The following SPAG16 variants were observed in gnomAD, a reference collection of about 807,000 sequenced individuals.
The protein encoded by SPAG16 is sperm-associated antigen 16 protein.
SPAG16 carries 86 observed loss-of-function variants against 80.4 expected under a neutral mutation model. The ratio of observed to expected loss-of-function variants is 1.07; its 90% CI spans 0.90 to 1.28. SPAG16 has a LOEUF of 1.28. SPAG16 is among the 50% of genes most tolerant of loss of function. The pLI is 0.00. For missense variants in SPAG16, 870 were observed against 765.3 expected, an observed-to-expected ratio of 1.14 and a Z score of -1.61; for synonymous variants, 294 against 265.9, an observed-to-expected ratio of 1.11 and a Z score of -1.03.
chr2:213,688,936 A>T (rs1002771313), intron 10 of SPAG16, among the ~76,000 whole-genome samples: 2 of 152,116 alleles, frequency 1.3e-5, no homozygotes, highest in African/African-American at 4.8e-5. Context: ...TTTTTTGAAC[A>T]TATGAAATTT....
intron 13 of SPAG16, among the ~76,000 whole-genome samples, chr2:214,067,095 T>C (rs1316719226): frequency 6.6e-6 from 1 of 152,106 alleles, no homozygotes; most frequent in Non-Finnish European, 1.5e-5. Context: ...TTCCAGGTGG[T>C]GCTGTTTGGT....
chr2:214,338,496 T>C (rs553572447), intron 15 of SPAG16, among the ~76,000 whole-genome samples: 127 of 152,066 alleles, frequency 8.4e-4, no homozygotes, highest in Middle Eastern at 6.3e-3. Flanking sequence ...AGAGCAAGAC[T>C]CCGTCTCAAA....
chr2:214,187,190 A>G (rs1174547582), intron 15 of SPAG16, among the ~76,000 whole-genome samples: 1 of 151,624 alleles, frequency 6.6e-6, no homozygotes, highest in Non-Finnish European at 1.5e-5. Context: ...GTGTAAGTAC[A>G]TACACCAATA....
At chr2:213,856,617 A>G (rs10932506) in intron 10 of SPAG16, among the ~76,000 whole-genome samples, 16 of 151,962 alleles carry the variant, frequency 1.1e-4, no homozygotes, top group African/African-American at 3.6e-4. Context: ...CCAAACCTCA[A>G]TTCTTGACTT....
intron 5 of SPAG16, among the ~76,000 whole-genome samples, chr2:213,329,906 A>T (rs1395547880): frequency 6.6e-6 from 1 of 152,188 alleles, no homozygotes; most frequent in Non-Finnish European, 1.5e-5. Context: ...TCCAGCCATG[A>T]CTAAAAGGGG....
chr2:213,297,140 G>T (rs2126073047), intron 2 of SPAG16, 122 bp from the exon 3 acceptor site: 2 of 1,472,486 alleles, frequency 1.4e-6, no homozygotes, highest in Non-Finnish European at 9.1e-7. Flanking sequence ...GAATGACATG[G>T]TATTTTACAT....
chr2:214,040,275 G>A (rs1013476288), intron 13 of SPAG16, among the ~76,000 whole-genome samples: 1 of 152,098 alleles, frequency 6.6e-6, no homozygotes, highest in African/African-American at 2.4e-5. Flanking sequence ...TTGGGGGAAG[G>A]ACTGATATCT....
intron 9 of SPAG16, among the ~76,000 whole-genome samples, chr2:213,385,124 G>C (rs150263611): frequency 1.3e-5 from 2 of 152,094 alleles, no homozygotes; most frequent in African/African-American, 4.8e-5. Flanking sequence ...CCTAGTGGAC[G>C]TATTCTCTGG....
intron 6 of SPAG16, among the ~76,000 whole-genome samples, chr2:213,341,218 C>T (rs938225823): frequency 2.0e-5 from 3 of 152,072 alleles, no homozygotes; most frequent in Admixed American, 6.6e-5. Flanking sequence ...ATCACTAAAG[C>T]TCATTTTATA....
chr2:213,836,534 T>C (rs2074093497), intron 10 of SPAG16, among the ~76,000 whole-genome samples: 1 of 152,172 alleles, frequency 6.6e-6, no homozygotes, highest in Non-Finnish European at 1.5e-5. Flanking sequence ...CAAATGCTCT[T>C]TATAAAATTT....
chr2:213,929,896 T>C lies in SPAG16; in HGVS notation c.1215-64T>C, dbSNP rs527680807. 1,386 of 1,403,098 alleles carry C rather than the reference T, an allele frequency of 9.9e-4. 2 individuals carry two copies. The highest frequency in any genetic ancestry group is 1.2e-3 in the Non-Finnish European group (1,218 of 1,005,488). 86.9% of individuals were successfully genotyped at this position (1,403,098 alleles called of 1,614,324 possible). ...ACATACACACAAATTACTCATAGAA[T>C]GCAGTATTCATAAAAATTATGTTAC... is the stretch of plus-strand genomic sequence containing the variant. On this transcript the variant is annotated intron_variant, in intron 11 of 15. Transcript: ENST00000331683.
intron 15 of SPAG16, among the ~76,000 whole-genome samples, chr2:214,372,269 G>A (rs1214451600): frequency 6.6e-6 from 1 of 152,120 alleles, no homozygotes; most frequent in African/African-American, 2.4e-5. Context: ...TAAACAGCCT[G>A]CAGTGTGTTC....
At chr2:213,924,741 T>C (rs1398575143) in intron 11 of SPAG16, among the ~76,000 whole-genome samples, 1 of 152,214 alleles carries the variant, frequency 6.6e-6, no homozygotes, top group Non-Finnish European at 1.5e-5. Context: ...TAGCTGAATT[T>C]GTTTCTTTTT....
chr2:213,553,667 C>G (rs904241634), intron 10 of SPAG16, among the ~76,000 whole-genome samples: 2 of 152,172 alleles, frequency 1.3e-5, no homozygotes, highest in Non-Finnish European at 2.9e-5. Flanking sequence ...AGTGACCATA[C>G]CCCAGACCTG....
At chr2:214,399,168 C>T (rs1211952148) in intron 15 of SPAG16, among the ~76,000 whole-genome samples, 2 of 152,092 alleles carry the variant, frequency 1.3e-5, no homozygotes, top group Admixed American at 6.6e-5. Context: ...ATTTTTTAAT[C>T]ATCCGATTAT....
At chr2:213,894,425 G>A (rs2076909356) in intron 11 of SPAG16, among the ~76,000 whole-genome samples, 1 of 152,112 alleles carries the variant, frequency 6.6e-6, no homozygotes, top group South Asian at 2.1e-4. Context: ...CAAAATGGAT[G>A]TAGAAGGAAC....
intron 9 of SPAG16, among the ~76,000 whole-genome samples, chr2:213,423,659 AAGAC>A (rs2069735771): frequency 6.6e-6 from 1 of 152,242 alleles, no homozygotes; most frequent in Non-Finnish European, 1.5e-5. Context: ...CTATTAACGA[AAGAC>A]AGTTTGTATA....
At chr2:213,696,749 A>G (rs1294097618) in intron 10 of SPAG16, among the ~76,000 whole-genome samples, 1 of 152,188 alleles carries the variant, frequency 6.6e-6, no homozygotes, top group African/African-American at 2.4e-5. Context: ...GAGGGGTGTC[A>G]TTTGTTATAA....
chr2:213,824,808 C>T (rs1210314458), intron 10 of SPAG16, among the ~76,000 whole-genome samples: 1 of 152,034 alleles, frequency 6.6e-6, no homozygotes. Flanking sequence ...TGTATAAAAT[C>T]CATAGATTTC....
Sources: gnomAD v4.1 joint callset for allele counts (sites outside exome capture counted in the v4.1 genomes callset) on GRCh38, gnomAD v4.1.1 for gene constraint, MANE v1.5 for transcripts, NCBI Gene and HGNC (gene_info 2026-07-23, HGNC 2026-07-21) for gene names.